Variants in LUZP2 observed in about 807,000 individuals in gnomAD.
The protein encoded by LUZP2 is leucine zipper protein 2.
In LUZP2, 52 loss-of-function variants were observed where a neutral mutation model predicts 51.6. The ratio of observed to expected loss-of-function variants is 1.01; its 90% CI spans 0.81 to 1.27. The LOEUF is 1.27. Among genes scored for constraint, LUZP2 ranks in the 50% most tolerant of loss-of-function variants. The pLI, the probability that LUZP2 is intolerant of heterozygous loss-of-function variation, is 0.00. For synonymous variants in LUZP2, 154 were observed against 137.3 expected, an observed-to-expected ratio of 1.12 and a Z score of -0.85; for missense variants, 436 against 395.4, an observed-to-expected ratio of 1.10 and a Z score of -0.87.
chr11:24,903,154 C>T (rs1051507073), intron 5 of LUZP2, among the ~76,000 whole-genome samples: 5 of 152,040 alleles, frequency 3.3e-5, no homozygotes. Context: ...CATTGCAGAG[C>T]CAGAACATAT....
chr11:24,737,031 G>A (rs903862951), intron 3 of LUZP2, among the ~76,000 whole-genome samples: 1 of 152,000 alleles, frequency 6.6e-6, no homozygotes, highest in African/African-American at 2.4e-5. Context: ...AATTAAGCTG[G>A]CAGCCCCATT....
At chr11:24,964,917 A>G (rs2133886830) in intron 7 of LUZP2, among the ~76,000 whole-genome samples, 1 of 152,032 alleles carries the variant, frequency 6.6e-6, no homozygotes, top group East Asian at 1.9e-4. Context: ...CATGAAGACA[A>G]ACATGTTTTA....
chr11:24,539,757 T>A (rs553448529), intron 1 of LUZP2, among the ~76,000 whole-genome samples: 2 of 152,190 alleles, frequency 1.3e-5, no homozygotes, highest in African/African-American at 4.8e-5. Flanking sequence ...CACCATTTTG[T>A]GGGAGAAATT....
chr11:24,920,307 G>A (rs1854000066), intron 7 of LUZP2, among the ~76,000 whole-genome samples: 1 of 151,974 alleles, frequency 6.6e-6, no homozygotes. Flanking sequence ...TACTGCTTCA[G>A]GGAATTGGTA....
At chr11:24,516,127 G>A (rs1016115800) in intron 1 of LUZP2, among the ~76,000 whole-genome samples, 3 of 151,832 alleles carry the variant, frequency 2.0e-5, no homozygotes, top group Non-Finnish European at 4.4e-5. Flanking sequence ...AGTTAAATTG[G>A]GAAAATAATC....
intron 1 of LUZP2, among the ~76,000 whole-genome samples, chr11:24,623,086 G>A (rs1854554652): frequency 6.6e-6 from 1 of 151,936 alleles, no homozygotes; most frequent in Admixed American, 6.6e-5. Context: ...AAGAGAGAGA[G>A]AGAGAAAAGG....
chr11:24,679,553 T>G (rs1856668002), intron 1 of LUZP2, among the ~76,000 whole-genome samples: 1 of 152,166 alleles, frequency 6.6e-6, no homozygotes, highest in Admixed American at 6.5e-5. Context: ...TTGCTTCCAT[T>G]TTAAGATTTT....
At chr11:24,947,221 A>C (rs1318430226) in intron 7 of LUZP2, among the ~76,000 whole-genome samples, 1 of 152,040 alleles carries the variant, frequency 6.6e-6, no homozygotes, top group Non-Finnish European at 1.5e-5. Context: ...AGAAAGTCAT[A>C]GGGAAGAGAA....
intron 4 of LUZP2, among the ~76,000 whole-genome samples, chr11:24,739,562 T>C (rs1305557000): frequency 6.6e-6 from 1 of 152,046 alleles, no homozygotes; most frequent in Non-Finnish European, 1.5e-5. Flanking sequence ...GAACAAATGT[T>C]AAAGCATCAG....
chr11:24,802,458 C>G (rs555233540), intron 5 of LUZP2, among the ~76,000 whole-genome samples: 2 of 151,654 alleles, frequency 1.3e-5, no homozygotes, highest in East Asian at 1.9e-4. Context: ...ATCACTGCCA[C>G]TGTTTTTTTT....
At chr11:25,000,243 A>C (rs914659530) in intron 9 of LUZP2, among the ~76,000 whole-genome samples, 2 of 152,128 alleles carry the variant, frequency 1.3e-5, no homozygotes, top group Admixed American at 1.3e-4. Context: ...AAAGTTCTCC[A>C]AGTCCCCACC....
chr11:24,633,958 G>GTATA (rs534303582), intron 1 of LUZP2, among the ~76,000 whole-genome samples: 4,241 of 134,952 alleles, frequency 0.031, 158 homozygotes, highest in African/African-American at 0.087. Flanking sequence ...GTGTGTGTGT[G>GTATA]TGTGTGTATA....
chr11:24,770,723 C>A (rs1391464606), intron 5 of LUZP2, among the ~76,000 whole-genome samples: 1 of 152,122 alleles, frequency 6.6e-6, no homozygotes, highest in Non-Finnish European at 1.5e-5. Context: ...GGCAATAAAG[C>A]AGTTACTATT....
intron 7 of LUZP2, among the ~76,000 whole-genome samples, chr11:24,945,517 GT>G (rs5790446): frequency 0.49 from 68,777 of 140,434 alleles, 16,227 homozygotes; most frequent in East Asian, 0.72. Flanking sequence ...AAATTTGCCT[GT>G]TTTTTTTTTT....
chr11:25,047,909 T>G (rs1858367111), intron 9 of LUZP2, among the ~76,000 whole-genome samples: 1 of 152,112 alleles, frequency 6.6e-6, no homozygotes, highest in Non-Finnish European at 1.5e-5. Flanking sequence ...GCCTAGAATT[T>G]CTGGACTCAA....
chr11:24,905,963 T>C, intron 5 of LUZP2, 28 bp from the exon 6 acceptor site: 1 of 1,524,570 alleles, frequency 6.6e-7, no homozygotes, highest in Admixed American at 1.7e-5. Context: ...GTCTCTTCTT[T>C]GCAATAAAAC....
intron 1 of LUZP2, among the ~76,000 whole-genome samples, chr11:24,536,428 T>A (rs1019727213): frequency 5.9e-5 from 9 of 151,848 alleles, no homozygotes; most frequent in Non-Finnish European, 1.3e-4. Context: ...CTTGCTTAGA[T>A]CTTCTGGATA....
chr11:24,706,919 G>T (rs1474992823), intron 1 of LUZP2, among the ~76,000 whole-genome samples: 3 of 150,000 alleles, frequency 2.0e-5, no homozygotes, highest in East Asian at 3.9e-4. Flanking sequence ...ATCGATTAAA[G>T]CACCATTTGT....
intron 10 of LUZP2, among the ~76,000 whole-genome samples, chr11:25,070,017 T>C (rs747028836): frequency 6.6e-6 from 1 of 151,898 alleles, no homozygotes; most frequent in Non-Finnish European, 1.5e-5. Flanking sequence ...CCCCGTAATA[T>C]GTGTTTGCAT....
Sources: gnomAD v4.1 joint callset for allele counts (sites outside exome capture counted in the v4.1 genomes callset) on GRCh38, gnomAD v4.1.1 for gene constraint, MANE v1.5 for transcripts, NCBI Gene and HGNC (gene_info 2026-07-23, HGNC 2026-07-21) for gene names.